FHAD1: variants seen among roughly 807,000 people sequenced by gnomAD.
FHAD1 encodes the protein forkhead associated phosphopeptide binding domain 1.
In FHAD1, 146 loss-of-function variants were observed where a neutral mutation model predicts 191.3. The ratio of observed to expected loss-of-function variants is 0.76; its 90% confidence interval spans 0.67 to 0.88. The LOEUF (loss-of-function observed/expected upper bound fraction) is 0.88. Ranked by LOEUF, FHAD1 falls within the 40% of genes least tolerant of loss-of-function variation. The probability of loss-of-function intolerance (pLI) is 0.00; values close to 1 mark genes in which losing one functional copy is unlikely to be tolerated. For synonymous variants in FHAD1, 616 were observed against 672.3 expected, an observed-to-expected ratio of 0.92 and a Z score of 1.29; for missense variants, 1,635 against 1,785.8, an observed-to-expected ratio of 0.92 and a Z score of 1.52.
intron 21 of FHAD1, 79 bp downstream of exon 21, chr1:15,358,362 A>T: frequency 7.1e-7 from 1 of 1,410,212 alleles, no homozygotes. Context: ...TGTGGTTTAG[A>T]CCGGGGCTTC....
intron 11 of FHAD1, chr1:15,326,235 A>G (rs1558118016): frequency 6.6e-6 from 1 of 152,218 alleles, no homozygotes; most frequent in Non-Finnish European, 1.5e-5. Context: ...AGTATTTAAT[A>G]ACCACGTTTT....
chr1:15,345,114 A>G lies in FHAD1; in HGVS notation c.2162A>G (p.Asn721Ser). 3 of 1,551,878 alleles carry G rather than the reference A, an allele frequency of 1.9e-6. No homozygotes were observed. Among genetic ancestry groups the G allele is most frequent in the Non-Finnish European group, 2.6e-6 (3 of 1,147,016 alleles). Residue 721 changes from asparagine (N) to serine (S), a missense_variant, in exon 17 of 34, where the codon AAC becomes AGC. By Grantham distance (46) the Asn-to-Ser change is conservative. Coordinates refer to ENST00000688493, the MANE Select transcript of FHAD1 (RefSeq NM_001391957.1). Reference sequence around the variant, plus strand: ...GAGGAGTACATTACTCAAGAGAGAAACAGAGCGAAAGAGACTTTAGAGGAA... The same window carrying G: ...GAGGAGTACATTACTCAAGAGAGAAGCAGAGCGAAAGAGACTTTAGAGGAA... ...ALEEYITQER[N>S]RAKETLEEER...
intron 20 of FHAD1, among the ~76,000 whole-genome samples, chr1:15,357,208 CT>C (rs1693090927): frequency 6.6e-6 from 1 of 152,192 alleles, no homozygotes; most frequent in Non-Finnish European, 1.5e-5. Flanking sequence ...ATGCCCAGTA[CT>C]TTGAATATAT....
intron 31 of FHAD1, among the ~76,000 whole-genome samples, chr1:15,386,945 C>T (rs1217473674): frequency 2.0e-5 from 3 of 151,912 alleles, no homozygotes; most frequent in Admixed American, 6.6e-5. Flanking sequence ...TCACTGCAAC[C>T]TCTGCCTCCC....
chr1:15,383,998 ATG>A lies in FHAD1; in HGVS notation c.4188+1820_4188+1821del, dbSNP rs757780252. ...CATTCTCGTGTGTGTGTACATTCTC[ATG>A]TGTGTGTGTGTGTGCACATGTGTAC... On this transcript the variant is annotated intron_variant, in intron 31 of 33. Coordinates refer to ENST00000688493, the MANE Select transcript of FHAD1 (RefSeq NM_001391957.1). 1,881 of 207,922 alleles carry A rather than the reference ATG, an allele frequency of 9.0e-3. 3 individuals are homozygous for A. The highest frequency in any genetic ancestry group is 0.012 in the South Asian group (292 of 23,484). The allele number at this position is 207,922 out of a possible 1,614,324, so 12.9% of individuals were successfully genotyped here.
intron 18 of FHAD1, among the ~76,000 whole-genome samples, chr1:15,347,115 G>A (rs916681927): frequency 2.6e-5 from 4 of 152,208 alleles, no homozygotes; most frequent in African/African-American, 4.8e-5. Flanking sequence ...CTCCCTTGGC[G>A]TCTCTGGCAC....
At chr1:15,374,031 G>C (rs373044372) in intron 26 of FHAD1, among the ~76,000 whole-genome samples, 1 of 152,204 alleles carries the variant, frequency 6.6e-6, no homozygotes, top group Non-Finnish European at 1.5e-5. Context: ...AGCCTCAGAG[G>C]AAGGTTTTCA....
At chr1:15,396,492 ATATTT>A (rs1236939313) in intron 33 of FHAD1, among the ~76,000 whole-genome samples, 2 of 152,150 alleles carry the variant, frequency 1.3e-5, no homozygotes, top group Non-Finnish European at 2.9e-5. Context: ...TTTACAACAA[ATATTT>A]TATTTTGTGT....
downstream of FHAD1, among the ~76,000 whole-genome samples, chr1:15,400,935 AT>A (rs568256251): frequency 7.2e-4 from 110 of 152,284 alleles, no homozygotes; most frequent in African/African-American, 2.5e-3. Context: ...GGAGCTCCAG[AT>A]TTTTACAATC....
At chr1:15,295,725 G>A (rs1302343431) in intron 4 of FHAD1, among the ~76,000 whole-genome samples, 3 of 152,136 alleles carry the variant, frequency 2.0e-5, no homozygotes, top group African/African-American at 7.2e-5. Context: ...ACATATGGGG[G>A]GCCAGCTGTA....
intron 32 of FHAD1, among the ~76,000 whole-genome samples, chr1:15,389,343 G>A (rs984980957): frequency 6.6e-6 from 1 of 151,444 alleles, no homozygotes; most frequent in African/African-American, 2.4e-5. Context: ...CTACTCAGGA[G>A]GCTGAGGTGG....
chr1:15,364,471 A>G (rs890799083), intron 23 of FHAD1, among the ~76,000 whole-genome samples: 5 of 152,140 alleles, frequency 3.3e-5, no homozygotes, highest in African/African-American at 7.2e-5. Flanking sequence ...TTAGCCAGGC[A>G]TGGTGGCAGA....
chr1:15,337,002 C>A lies in FHAD1; in HGVS notation c.1907-2479C>A, dbSNP rs1219366918. On this transcript the variant is annotated intron_variant, in intron 14 of 33. Coordinates refer to ENST00000688493, the MANE Select transcript of FHAD1 (RefSeq NM_001391957.1). ...TTTCTCATGAAGAAACTCTGCACTT[C>A]CGGGCTTCCCCAGCCACTCCTATGT... Among the ~76,000 whole-genome samples, 4 of 152,370 alleles carry A rather than the reference C, an allele frequency of 2.6e-5. No homozygotes were observed. In the East Asian group the frequency reaches 7.7e-4, roughly 29 times the overall value.
chr1:15,362,800 GC>G, intron 23 of FHAD1, 74 bp downstream of exon 23: 1 of 1,158,530 alleles, frequency 8.6e-7, no homozygotes, highest in Non-Finnish European at 1.3e-6. Flanking sequence ...CAGGCAACCA[GC>G]CCCTACCTGG....
At chr1:15,257,934 T>G (rs1163539334) in intron 2 of FHAD1, among the ~76,000 whole-genome samples, 2 of 152,088 alleles carry the variant, frequency 1.3e-5, no homozygotes, top group Non-Finnish European at 2.9e-5. Flanking sequence ...CTCTGCCTCC[T>G]GGGTTTAAGT....
At chr1:15,272,236 A>C (rs564802207) in intron 2 of FHAD1, 87 bp from the exon 3 acceptor site, 8 of 1,275,708 alleles carry the variant, frequency 6.3e-6, no homozygotes, top group African/African-American at 5.9e-5. Context: ...TGGCGGCGGC[A>C]AAACAGGTAA....
At chr1:15,390,125 C>G (rs1235955152) in intron 32 of FHAD1, among the ~76,000 whole-genome samples, 4 of 152,050 alleles carry the variant, frequency 2.6e-5, no homozygotes, top group African/African-American at 9.7e-5. Flanking sequence ...GCAGGCTGAT[C>G]ACTTGAGGTC....
At chr1:15,369,192 G>A (rs1017791072) in intron 25 of FHAD1, among the ~76,000 whole-genome samples, 178 bp from the exon 26 acceptor site, 30 of 152,168 alleles carry the variant, frequency 2.0e-4, no homozygotes, top group Admixed American at 1.8e-3. Flanking sequence ...CCCTGCCCTG[G>A]CCACTCTCCC....
intron 15 of FHAD1, among the ~76,000 whole-genome samples, chr1:15,340,619 TCA>T (rs1040789018): frequency 2.6e-5 from 4 of 152,166 alleles, no homozygotes; most frequent in African/African-American, 9.7e-5. Context: ...ATGGCTGAGT[TCA>T]GTGTCTGGAG....
Sources: allele counts gnomAD v4.1 joint callset (sites outside exome capture counted in the v4.1 genomes callset), GRCh38; gene constraint gnomAD v4.1.1; transcripts MANE v1.5; gene names NCBI Gene and HGNC (gene_info 2026-07-23, HGNC 2026-07-21).